The following LMO7 variants were observed in gnomAD, a reference collection of about 807,000 sequenced individuals.
LMO7 encodes the protein LIM domain 7.
LMO7 carries 120 observed loss-of-function variants against 206.5 expected under a neutral mutation model. The ratio of observed to expected loss-of-function variants is 0.58; its 90% confidence interval spans 0.50 to 0.68. The LOEUF (loss-of-function observed/expected upper bound fraction) is 0.68, where lower values mean the gene tolerates loss of function less well. Among genes scored for constraint, LMO7 ranks in the 30% least tolerant of loss-of-function variants. LMO7 has a pLI of 0.00. For synonymous variants in LMO7, 706 were observed against 681.5 expected, an observed-to-expected ratio of 1.04 and a Z score of -0.56; for missense variants, 1,959 against 1,957.9, an observed-to-expected ratio of 1.00 and a Z score of -0.01.
At chr13:75,776,204 T>A (rs188091412) in intron 4 of LMO7, among the ~76,000 whole-genome samples, 103 of 120,620 alleles carry the variant, frequency 8.5e-4, no homozygotes, top group African/African-American at 2.2e-3. Context: ...TATATATATA[T>A]AACGTTAAGT....
In LMO7 at chr13:75,800,665, T is replaced by TA. The variant is rs774783437; in HGVS notation, c.463-13dup. On this transcript the variant is annotated intron_variant, in intron 6 of 30. Transcript: ENST00000377534. ...GAAGTTTATTTAACTTACTATTCTT[T>TA]AAAAAACGTTTTCTTTAGGCACTCG... 8.3e-5 allele frequency: 134 copies of TA among 1,610,592 alleles called. No homozygotes were observed. In the African/African-American group the frequency reaches 1.3e-3, roughly 15 times the overall value.
chr13:75,769,362 G>A (rs12859043), intron 4 of LMO7, among the ~76,000 whole-genome samples: 19,555 of 151,902 alleles, frequency 0.13, 1,631 homozygotes, highest in South Asian at 0.24. Flanking sequence ...TGGGAGGCAG[G>A]ATTCTGTGTC....
At chr13:75,774,328 C>T (rs1028346714) in intron 4 of LMO7, among the ~76,000 whole-genome samples, 1 of 151,988 alleles carries the variant, frequency 6.6e-6, no homozygotes, top group Non-Finnish European at 1.5e-5. Context: ...GTGTTTTATC[C>T]CTTTCAATTT....
At position 75,834,302 on chromosome 13, in the gene LMO7, C is replaced by G; in HGVS notation, c.3141C>G (p.Asn1047Lys). ...IAINNTKFSY[N>K]DSKEWEEAMA... ...TTAACAACACCAAGTTTTCATATAA[C>G]GATTCAAAAGAGTGGGAGGAAGCCA... Residue 1047 changes from asparagine to lysine, a missense_variant, in exon 17 of 31, where the codon AAC (asparagine) becomes AAG (lysine). Asn to Lys is a moderately conservative substitution (Grantham distance 94). Coordinates refer to ENST00000377534, the MANE Select transcript of LMO7 (RefSeq NM_001306080.2). 1 of 1,610,756 alleles carries G rather than the reference C, an allele frequency of 6.2e-7. No homozygotes were observed. The highest frequency in any genetic ancestry group is 2.2e-5 in the East Asian group (1 of 44,728).
At chr13:75,839,100 C>T (rs1195768903) in intron 20 of LMO7, among the ~76,000 whole-genome samples, 1 of 152,038 alleles carries the variant, frequency 6.6e-6, no homozygotes, top group African/African-American at 2.4e-5. Context: ...TCTTTTGGAC[C>T]ATAAACAGAA....
At chr13:75,805,062 T>A (rs1275302639) in intron 8 of LMO7, 1 of 1,003,866 alleles carries the variant, frequency 1.0e-6, no homozygotes, top group East Asian at 1.0e-4. Context: ...GCCCCAGAAT[T>A]TCATCTCGAA....
chr13:75,812,541 C>T (rs1049759541), intron 11 of LMO7, among the ~76,000 whole-genome samples: 3 of 151,842 alleles, frequency 2.0e-5, no homozygotes, highest in African/African-American at 7.2e-5. Flanking sequence ...ATCCTTACTC[C>T]TTAGATAGTC....
chr13:75,752,927 C>A (rs908396164), intron 3 of LMO7, among the ~76,000 whole-genome samples: 3 of 152,230 alleles, frequency 2.0e-5, no homozygotes, highest in African/African-American at 7.2e-5. Context: ...GTAATGATTT[C>A]TTTTTCCTTG....
At chr13:75,844,107 C>T (rs2059775645) in intron 25 of LMO7, among the ~76,000 whole-genome samples, 1 of 152,022 alleles carries the variant, frequency 6.6e-6, no homozygotes, top group Non-Finnish European at 1.5e-5. Flanking sequence ...AATTAAAATG[C>T]AGAGAAAGGA....
intron 1 of LMO7, among the ~76,000 whole-genome samples, chr13:75,702,858 CAG>C (rs1594378864): frequency 6.6e-6 from 1 of 152,248 alleles, no homozygotes; most frequent in East Asian, 1.9e-4. Context: ...AAAATTAAGA[CAG>C]ATTATTTAAA....
At chr13:75,778,070 A>T (rs887750797) in intron 4 of LMO7, among the ~76,000 whole-genome samples, 3 of 152,202 alleles carry the variant, frequency 2.0e-5, no homozygotes, top group Admixed American at 6.5e-5. Context: ...TATTATGAGG[A>T]CATTTTAAAA....
chr13:75,653,179 A>T (rs778997406), intron 1 of LMO7, among the ~76,000 whole-genome samples: 2 of 152,230 alleles, frequency 1.3e-5, no homozygotes, highest in Non-Finnish European at 2.9e-5. Context: ...CTTCAAGGAA[A>T]AAAAAGAAAG....
chr13:75,787,125 G>T (rs2052561760), intron 4 of LMO7, among the ~76,000 whole-genome samples: 2 of 152,164 alleles, frequency 1.3e-5, no homozygotes, highest in Admixed American at 1.3e-4. Flanking sequence ...ATAACCGAAT[G>T]TCATAACTCC....
At chr13:75,676,289 T>C (rs550718602) in intron 1 of LMO7, among the ~76,000 whole-genome samples, 18 of 152,342 alleles carry the variant, frequency 1.2e-4, no homozygotes, top group African/African-American at 4.3e-4. Flanking sequence ...TTTGTCTGAC[T>C]TAATCAATTA....
intron 7 of LMO7, among the ~76,000 whole-genome samples, chr13:75,802,122 T>C (rs2054828830): frequency 1.3e-5 from 2 of 152,234 alleles, no homozygotes; most frequent in South Asian, 2.1e-4. Flanking sequence ...GTGAAACTTA[T>C]ATAAATACAA....
intron 1 of LMO7, among the ~76,000 whole-genome samples, chr13:75,687,230 T>C (rs555208086): frequency 6.6e-6 from 1 of 152,324 alleles, no homozygotes; most frequent in South Asian, 2.1e-4. Context: ...AAAACTTGAC[T>C]GTATTAGTGT....
chr13:75,719,285 G>A (rs1421310821), intron 2 of LMO7, among the ~76,000 whole-genome samples: 2 of 152,220 alleles, frequency 1.3e-5, no homozygotes, highest in African/African-American at 2.4e-5. Context: ...CAACCAGTTC[G>A]TGTCTCTTTA....
At chr13:75,744,748 G>A (rs981463448) in intron 3 of LMO7, among the ~76,000 whole-genome samples, 1 of 152,162 alleles carries the variant, frequency 6.6e-6, no homozygotes, top group African/African-American at 2.4e-5. Flanking sequence ...TCAGGAACTT[G>A]GGACACAGCT....
chr13:75,812,025 G>C (rs2056454018), intron 11 of LMO7, among the ~76,000 whole-genome samples: 1 of 152,152 alleles, frequency 6.6e-6, no homozygotes, highest in African/African-American at 2.4e-5. Context: ...GCCAATTTCG[G>C]TTATTTCTAG....
Sources: allele counts gnomAD v4.1 joint callset (sites outside exome capture counted in the v4.1 genomes callset), GRCh38; gene constraint gnomAD v4.1.1; transcripts MANE v1.5; gene names NCBI Gene and HGNC (gene_info 2026-07-23, HGNC 2026-07-21).